The following VIPR2 variants were observed in gnomAD, a reference collection of about 807,000 sequenced individuals.
VIPR2 encodes vasoactive intestinal polypeptide receptor 2.
In VIPR2, 48 loss-of-function variants were observed where a neutral mutation model predicts 58.0. That is an observed-to-expected ratio of 0.83 (90% CI 0.66 to 1.05). VIPR2 has a LOEUF of 1.05. VIPR2 is among the 50% of genes least tolerant of loss of function. The pLI is 0.00. For missense variants in VIPR2, 534 were observed against 558.0 expected (o/e 0.96, Z 0.43); for synonymous variants, 243 against 235.2 (o/e 1.03, Z -0.30).
chr7:159,031,413 G>C lies in VIPR2; in HGVS notation c.1143+415C>G. ...GGGAATGAACGCAGGGCAGAGCTCG[G>C]CTCCGGGCTTCCTCCCCAGGGACTC... On this transcript the variant is annotated intron_variant, in intron 12 of 12. Coordinates refer to ENST00000262178, the MANE Select transcript of VIPR2 (RefSeq NM_003382.5). The surrounding 1 kb of genome is among the most constrained non-coding windows in gnomAD (Gnocchi z 4.0). 1 of 983,212 alleles carries C rather than the reference G, an allele frequency of 1.0e-6. No homozygotes were observed. The highest frequency in any genetic ancestry group is 1.2e-6 in the Non-Finnish European group (1 of 827,938). The allele number at this position is 983,212 out of a possible 1,614,324, so 60.9% of individuals were successfully genotyped here.
Position 159,030,855 on chromosome 7 carries a change from C to G in VIPR2, c.1144-66G>C, listed in dbSNP as rs914174642. 6 of 1,408,866 alleles carry G rather than the reference C, an allele frequency of 4.3e-6. No individual in the cohort carries two copies. In the Admixed American group the frequency reaches 1.2e-4, roughly 28 times the overall value. 87.3% of individuals were successfully genotyped at this position (1,408,866 alleles called of 1,614,324 possible). On this transcript the variant is annotated intron_variant, in intron 12 of 12. Coordinates refer to ENST00000262178, the MANE Select transcript of VIPR2 (RefSeq NM_003382.5). Reference sequence around the variant, plus strand: ...AGGTGCGGGCGGCTGCTATGGGAAGCGCGGCCCGCGAGCCTCCAGCTCTCC... The same window carrying G: ...AGGTGCGGGCGGCTGCTATGGGAAGGGCGGCCCGCGAGCCTCCAGCTCTCC...
At chr7:159,051,834 T>C (rs1477559682) in intron 5 of VIPR2, among the ~76,000 whole-genome samples, 1 of 152,130 alleles carries the variant, frequency 6.6e-6, no homozygotes, top group South Asian at 2.1e-4. Context: ...AAAATATAGA[T>C]GGTAAACAGT....
At chr7:159,138,443 A>C (rs905306812) in intron 2 of VIPR2, among the ~76,000 whole-genome samples, 1 of 152,226 alleles carries the variant, frequency 6.6e-6, no homozygotes, top group Non-Finnish European at 1.5e-5. Context: ...AATGCTGGTG[A>C]AATATTTTAT....
rs573762077 is a variant in VIPR2 at position 159,091,041 on chromosome 7, G to A, written c.357+12716C>T. On this transcript the variant is annotated intron_variant, in intron 4 of 12. Transcript: ENST00000262178. The stretch of plus-strand genomic sequence containing the variant: ...GGACCACGCACAGGGGCCACCTCTT[G>A]TGACCATCACAATCTCTGGTGACCT... Among the ~76,000 whole-genome samples, 9 of 152,108 alleles carry A rather than the reference G, an allele frequency of 5.9e-5. No individual in the cohort carries two copies. In the South Asian group the frequency reaches 1.9e-3, roughly 32 times the overall value.
chr7:159,142,353 G>A, intron 2 of VIPR2, 93 bp downstream of exon 2: 15 of 655,436 alleles, frequency 2.3e-5, no homozygotes, highest in South Asian at 6.9e-5. Flanking sequence ...TTTTTTTTAA[G>A]ATGCAGGTGG....
At chr7:159,094,348 AGGAAAGTTGAGCCCAT>A (rs1857694605) in intron 4 of VIPR2, among the ~76,000 whole-genome samples, 1 of 152,226 alleles carries the variant, frequency 6.6e-6, no homozygotes. Flanking sequence ...CCAAGGCCCA[AGGAAAGTTGAGCCCAT>A]GGCTGCTTCT....
chr7:159,038,476 T>G (rs1381031010), intron 6 of VIPR2, among the ~76,000 whole-genome samples: 3 of 152,148 alleles, frequency 2.0e-5, no homozygotes, highest in Non-Finnish European at 4.4e-5. Flanking sequence ...GAGCCTCTTA[T>G]GTGGAAAGAC....
chr7:159,114,574 A>C (rs899726788), intron 2 of VIPR2, among the ~76,000 whole-genome samples: 1 of 152,000 alleles, frequency 6.6e-6, no homozygotes, highest in African/African-American at 2.4e-5. Context: ...GCCATTTCTA[A>C]TTTTTTAAAA....
At chr7:159,135,835 T>C (rs1247459643) in intron 2 of VIPR2, among the ~76,000 whole-genome samples, 2 of 151,990 alleles carry the variant, frequency 1.3e-5, no homozygotes, top group African/African-American at 4.8e-5. Flanking sequence ...AAAAAATAAA[T>C]AAATGAGAGG....
chr7:159,101,790 C>T (rs865859749), intron 4 of VIPR2, among the ~76,000 whole-genome samples: 1 of 137,198 alleles, frequency 7.3e-6, no homozygotes. Flanking sequence ...GAACGGGTCT[C>T]ACGAGATCCG....
At chr7:159,100,449 G>A (rs900993183) in intron 4 of VIPR2, among the ~76,000 whole-genome samples, 5 of 147,752 alleles carry the variant, frequency 3.4e-5, no homozygotes, top group African/African-American at 1.3e-4. Flanking sequence ...ACTGAACACA[G>A]TGACAGTGGG....
At chr7:159,108,829 C>T (rs1215540192) in intron 3 of VIPR2, among the ~76,000 whole-genome samples, 2 of 152,224 alleles carry the variant, frequency 1.3e-5, no homozygotes. Flanking sequence ...AGAAATGCTA[C>T]TGATTGGAGG....
intron 4 of VIPR2, among the ~76,000 whole-genome samples, chr7:159,071,577 G>A (rs1055966618): frequency 1.3e-5 from 2 of 152,204 alleles, no homozygotes; most frequent in Non-Finnish European, 2.9e-5. Context: ...GTCCAGAACA[G>A]GAGTTCAATT....
intron 4 of VIPR2, among the ~76,000 whole-genome samples, chr7:159,089,539 G>A (rs1041710914): frequency 7.2e-5 from 11 of 152,262 alleles, no homozygotes; most frequent in Non-Finnish European, 1.2e-4. Flanking sequence ...CATGTAAAGT[G>A]CTTAGAGCAC....
chr7:159,097,716 G>T lies in VIPR2; in HGVS notation c.357+6041C>A, dbSNP rs1409778466. Among the ~76,000 whole-genome samples, 1 of 152,320 alleles carries T rather than the reference G, an allele frequency of 6.6e-6. No individual in the cohort carries two copies. The highest frequency in any genetic ancestry group is 3.4e-3 in the Middle Eastern group (1 of 294). On this transcript the variant is annotated intron_variant, in intron 4 of 12. Coordinates refer to ENST00000262178, the MANE Select transcript of VIPR2 (RefSeq NM_003382.5). This position sits in a 1 kb window ranked among gnomAD's most constrained non-coding sequence, Gnocchi z 5.3. ...TGTTTCAAGAAACAGGCTTGAAGAG[G>T]CACCTTTCAGAAGCTGAGCAGCAAT...
At chr7:159,123,288 TAAAAA>T (rs370294230) in intron 2 of VIPR2, among the ~76,000 whole-genome samples, 2,631 of 72,804 alleles carry the variant, frequency 0.036, 60 homozygotes, top group African/African-American at 0.1. Flanking sequence ...CAAGACTCTG[TAAAAA>T]AAAAAAAAAA....
chr7:159,101,643 C>T (rs554951734), intron 4 of VIPR2, among the ~76,000 whole-genome samples: 16 of 147,416 alleles, frequency 1.1e-4, no homozygotes, highest in Non-Finnish European at 1.6e-4. Flanking sequence ...CGAGATCCGA[C>T]GAGGCCGTTC....
rs142346251 is a variant in VIPR2, at chr7:159,083,012, C to T, written c.357+20745G>A. 9.1e-4 allele frequency among the ~76,000 whole-genome samples: 138 copies of T among 152,248 alleles called. 1 individual carries two copies. The highest frequency in any genetic ancestry group is 3.3e-3 in the African/African-American group (136 of 41,544). ...TATTTGTTTCAGTTGTGGTTGGCTT[C>T]AAGAATAGAGCAGAAGGGCAAGAGC... On this transcript the variant is annotated intron_variant, in intron 4 of 12. Coordinates refer to ENST00000262178, the MANE Select transcript of VIPR2 (RefSeq NM_003382.5).
At chr7:159,063,436 C>T (rs1855841901) in intron 4 of VIPR2, among the ~76,000 whole-genome samples, 1 of 151,978 alleles carries the variant, frequency 6.6e-6, no homozygotes, top group African/African-American at 2.4e-5. Flanking sequence ...GCTCCAAGTG[C>T]GGGGCCTACC....
Sources: gnomAD v4.1 joint callset for allele counts (sites outside exome capture counted in the v4.1 genomes callset) on GRCh38, gnomAD v4.1.1 for gene constraint, Gnocchi (gnomAD v3.1) non-coding constraint, MANE v1.5 for transcripts, NCBI Gene and HGNC (gene_info 2026-07-23, HGNC 2026-07-21) for gene names.